Variants in PSMA6 observed in about 807,000 individuals in gnomAD.
PSMA6 encodes the protein proteasome 20S subunit alpha 6.
For missense variants in PSMA6, 170 were observed against 294.8 expected (o/e 0.58, Z 3.10); for synonymous variants, 88 against 97.7 (o/e 0.90, Z 0.59).
chr14:35,283,536 A>G (rs942312406), intron 1 of PSMA6, among the ~76,000 whole-genome samples: 3 of 148,002 alleles, frequency 2.0e-5, no homozygotes, highest in Admixed American at 1.3e-4. Flanking sequence ...GTGTAATAGG[A>G]TGTTAGACTA....
intron 1 of PSMA6, among the ~76,000 whole-genome samples, chr14:35,294,694 C>A (rs1287204715): frequency 6.6e-6 from 1 of 151,612 alleles, no homozygotes; most frequent in Non-Finnish European, 1.5e-5. Flanking sequence ...TTGTTTGATT[C>A]TTTGGCCCCC....
intron 6 of PSMA6, 100 bp from the exon 7 acceptor site, chr14:35,317,149 G>T: frequency 1.2e-6 from 1 of 818,318 alleles, no homozygotes; most frequent in South Asian, 1.4e-5. Context: ...GTTAAAGTAG[G>T]TTGATAGGTA....
Position 35,310,800 on chromosome 14 carries a change from A to G in PSMA6, c.314A>G (p.Tyr105Cys). 2 of 1,613,144 alleles carry G rather than the reference A, an allele frequency of 1.2e-6. No homozygotes were observed. Among genetic ancestry groups the G allele is most frequent in the Non-Finnish European group, 1.7e-6 (2 of 1,179,780 alleles). ...RYEAANWKYK[Y>C]GYEIPVDMLC... The stretch of plus-strand genomic sequence containing the variant: ...GAGGCAGCTAACTGGAAATACAAGT[A>G]TGGCTATGAGATTCCTGTGGACATG... The change falls in exon 4 of 7, where the codon TAT becomes TGT. Residue 105 changes from tyrosine to cysteine, a missense_variant. Transcript: ENST00000261479.
chr14:35,301,162 A>G (rs2051703499), intron 1 of PSMA6, among the ~76,000 whole-genome samples: 1 of 152,122 alleles, frequency 6.6e-6, no homozygotes, highest in Non-Finnish European at 1.5e-5. Flanking sequence ...TGAGAAGGGA[A>G]GTTCAGAGAA....
At chr14:35,297,123 T>TTG (rs1246169010) in intron 1 of PSMA6, among the ~76,000 whole-genome samples, 13 of 140,014 alleles carry the variant, frequency 9.3e-5, no homozygotes, top group Middle Eastern at 3.8e-3. Flanking sequence ...AACAAAGTTT[T>TTG]TTTTTTTTTT....
intron 1 of PSMA6, chr14:35,293,102 T>G: frequency 2.3e-6 from 1 of 430,858 alleles, no homozygotes; most frequent in South Asian, 1.6e-5. Context: ...AACAAACGGA[T>G]AAAAAAAATT....
At chr14:35,289,991 A>G (rs9322944), upstream of PSMA6, among the ~76,000 whole-genome samples, 7,301 of 151,952 alleles carry the variant, frequency 0.048, 259 homozygotes, top group African/African-American at 0.096. Context: ...GTATTAAGAA[A>G]TTAAGACTGC....
At chr14:35,312,315 G>A (rs1434389648) in intron 4 of PSMA6, among the ~76,000 whole-genome samples, 1 of 151,898 alleles carries the variant, frequency 6.6e-6, no homozygotes, top group Non-Finnish European at 1.5e-5. Context: ...GACCAGTCCT[G>A]GCTAACACGG....
chr14:35,293,632 T>C (rs1244594191), intron 1 of PSMA6, among the ~76,000 whole-genome samples: 3 of 152,226 alleles, frequency 2.0e-5, no homozygotes, highest in African/African-American at 7.2e-5. Flanking sequence ...TATTACTGCA[T>C]AGTGTATATA....
At chr14:35,311,235 C>T (rs1040060286) in intron 4 of PSMA6, among the ~76,000 whole-genome samples, 9 of 152,224 alleles carry the variant, frequency 5.9e-5, no homozygotes, top group Non-Finnish European at 1.0e-4. Context: ...CATCAGGCAT[C>T]TTAATAATGT....
chr14:35,280,503 T>C (rs1048249440), intron 1 of PSMA6, among the ~76,000 whole-genome samples: 1 of 151,132 alleles, frequency 6.6e-6, no homozygotes, highest in African/African-American at 2.4e-5. Flanking sequence ...TGCCTCAGCC[T>C]CCCAAGTAGC....
At chr14:35,297,251 T>C (rs1254073055) in intron 1 of PSMA6, among the ~76,000 whole-genome samples, 1 of 151,538 alleles carries the variant, frequency 6.6e-6, no homozygotes, top group Non-Finnish European at 1.5e-5. Context: ...AGTCTCGCTC[T>C]GTCACCCAGG....
At chr14:35,297,735 A>G (rs1366601165) in intron 1 of PSMA6, among the ~76,000 whole-genome samples, 1 of 152,196 alleles carries the variant, frequency 6.6e-6, no homozygotes, top group East Asian at 1.9e-4. Flanking sequence ...AAGGGAATAT[A>G]TATCTCTGCT....
chr14:35,310,693 T>G (rs1156596830), intron 3 of PSMA6, 47 bp from the exon 4 acceptor site: 3 of 1,599,960 alleles, frequency 1.9e-6, no homozygotes, highest in Non-Finnish European at 2.6e-6. Context: ...CTTTCAGGTT[T>G]GTTCTTTCCT....
upstream of PSMA6, among the ~76,000 whole-genome samples, chr14:35,291,823 C>CAAAAAAAAAAA (rs113987343): frequency 2.1e-5 from 1 of 47,746 alleles, no homozygotes; most frequent in African/African-American, 7.2e-5. Flanking sequence ...AACTCTGTCT[C>CAAAAAAAAAAA]AAAAAAAAAA....
intron 1 of PSMA6, among the ~76,000 whole-genome samples, chr14:35,295,058 C>T (rs534583039): frequency 1.3e-5 from 2 of 152,226 alleles, no homozygotes; most frequent in Admixed American, 6.5e-5. Context: ...TAATGCTTGG[C>T]CAGGTGCAGT....
intron 6 of PSMA6, chr14:35,316,339 T>C (rs2052043536): frequency 6.8e-6 from 1 of 147,458 alleles, no homozygotes; most frequent in African/African-American, 2.5e-5. Context: ...TGAGCCAAGA[T>C]TGTGCCACTG....
chr14:35,303,189 A>C (rs1008726969), intron 1 of PSMA6, among the ~76,000 whole-genome samples: 1 of 152,142 alleles, frequency 6.6e-6, no homozygotes, highest in African/African-American at 2.4e-5. Flanking sequence ...GTTTTGTTCT[A>C]ATAGGCAGTT....
At chr14:35,309,424 A>C (rs955884219) in intron 3 of PSMA6, among the ~76,000 whole-genome samples, 2 of 152,030 alleles carry the variant, frequency 1.3e-5, no homozygotes, top group African/African-American at 4.8e-5. Context: ...CCAAGGTGAG[A>C]GGATTGTTTA....
Sources: gnomAD v4.1 joint callset for allele counts (sites outside exome capture counted in the v4.1 genomes callset) on GRCh38, gnomAD v4.1.1 for gene constraint, MANE v1.5 for transcripts, NCBI Gene and HGNC (gene_info 2026-07-23, HGNC 2026-07-21) for gene names.